DAAM1: variants seen among roughly 807,000 people sequenced by gnomAD.
The protein encoded by DAAM1 is disheveled-associated activator of morphogenesis 1.
A neutral mutation model predicts 130.0 loss-of-function variants in DAAM1; 52 were observed. The ratio of observed to expected loss-of-function variants is 0.40; its 90% CI spans 0.32 to 0.50. The LOEUF is 0.50. Among genes scored for constraint, DAAM1 ranks in the 20% least tolerant of loss-of-function variants. The pLI is 0.61. For missense variants in DAAM1, 1,134 were observed against 1,303.8 expected (o/e 0.87, Z 2.01); for synonymous variants, 452 against 444.5 (o/e 1.02, Z -0.21).
chr14:59,278,895 A>G (rs546985448), intron 2 of DAAM1, among the ~76,000 whole-genome samples: 6 of 152,216 alleles, frequency 3.9e-5, no homozygotes, highest in Non-Finnish European at 8.8e-5. Context: ...CTTCTTTCCA[A>G]TCAGTTTCTC....
At chr14:59,334,827 T>C (rs1885564268) in intron 15 of DAAM1, among the ~76,000 whole-genome samples, 1 of 152,172 alleles carries the variant, frequency 6.6e-6, no homozygotes, top group South Asian at 2.1e-4. Context: ...TGTTAAATTT[T>C]TGCACAGGCC....
Position 59,290,137 on chromosome 14 carries a change from G to GA in DAAM1, c.184-1072dup, listed in dbSNP as rs1258952512. 4.0e-5 allele frequency among the ~76,000 whole-genome samples: 6 copies of GA among 151,558 alleles called. No homozygotes were observed. In the East Asian group the frequency reaches 1.2e-3, roughly 29 times the overall value. ...TACCCCTGAACATAAAGTAAAAGTA[G>GA]AAAAAAAATAAAAGACTGTGAATTA... On this transcript the variant is annotated intron_variant, in intron 2 of 24. Coordinates refer to ENST00000360909, the MANE Select transcript of DAAM1 (RefSeq NM_001270520.2).
intron 6 of DAAM1, among the ~76,000 whole-genome samples, chr14:59,323,779 TC>T (rs1490438927): frequency 6.6e-6 from 1 of 152,168 alleles, no homozygotes; most frequent in African/African-American, 2.4e-5. Flanking sequence ...ACACCTCTAA[TC>T]CCAGCACTTT....
intron 2 of DAAM1, among the ~76,000 whole-genome samples, chr14:59,281,204 T>C (rs1883200485): frequency 6.6e-6 from 1 of 152,176 alleles, no homozygotes; most frequent in African/African-American, 2.4e-5. Flanking sequence ...GGAGGACATA[T>C]CAAAAGTATG....
In DAAM1 at chr14:59,269,223, CA is replaced by C. The variant is rs1343954333; in HGVS notation, c.183+5565del. 2.0e-5 allele frequency among the ~76,000 whole-genome samples: 3 copies of C among 152,226 alleles called. No individual in the cohort carries two copies. In the East Asian group the frequency reaches 5.8e-4, roughly 29 times the overall value. ...GATCAAGTGCTATGGGAGTGCTGCT[CA>C]AGCAGTACATTTTGTCTGGGAGGAA... is the stretch of plus-strand genomic sequence containing the variant. On this transcript the variant is annotated intron_variant, in intron 2 of 24. Coordinates refer to ENST00000360909, the MANE Select transcript of DAAM1 (RefSeq NM_001270520.2).
intron 1 of DAAM1, among the ~76,000 whole-genome samples, chr14:59,259,091 A>G (rs963937994): frequency 6.6e-6 from 1 of 152,224 alleles, no homozygotes; most frequent in Non-Finnish European, 1.5e-5. Flanking sequence ...CAGTGCAGCC[A>G]GAATGTAATA....
chr14:59,327,402 CTTTTTTTT>C lies in DAAM1; in HGVS notation c.1372+428_1372+435del, dbSNP rs386381493. Among the ~76,000 whole-genome samples the C allele has an allele frequency of 5.6e-4, 33 of 58,990 alleles. 1 individual carries two copies. The highest frequency in any genetic ancestry group is 1.5e-3 in the African/African-American group (20 of 12,916). 38.7% of individuals were successfully genotyped at this position (58,990 alleles called of 152,430 possible). A position where few individuals can be genotyped will look rare whatever the true frequency, so the allele number is the denominator to read the frequency against. ...AAGAGAAGAACAGGTCACTTGGTTT[CTTTTTTTT>C]TTTTTTTTTTTTTTTTGAGATGGAG... On this transcript the variant is annotated intron_variant, in intron 12 of 24. Coordinates refer to ENST00000360909, the MANE Select transcript of DAAM1 (RefSeq NM_001270520.2).
At chr14:59,219,846 T>C (rs1486458828) in intron 1 of DAAM1, among the ~76,000 whole-genome samples, 1 of 152,206 alleles carries the variant, frequency 6.6e-6, no homozygotes, top group Non-Finnish European at 1.5e-5. Context: ...TCTGCTCCTT[T>C]GCCTTGAGGA....
intron 1 of DAAM1, among the ~76,000 whole-genome samples, chr14:59,240,891 G>A (rs1426441385): frequency 6.6e-6 from 1 of 152,248 alleles, no homozygotes; most frequent in Non-Finnish European, 1.5e-5. Context: ...TGAATCACAT[G>A]GTGAAGGAGA....
At chr14:59,268,766 C>T (rs553955848) in intron 2 of DAAM1, among the ~76,000 whole-genome samples, 8 of 152,292 alleles carry the variant, frequency 5.3e-5, no homozygotes, top group Admixed American at 3.3e-4. Flanking sequence ...CTCCCTCTCA[C>T]CTCTACCTCC....
intron 1 of DAAM1, among the ~76,000 whole-genome samples, chr14:59,205,853 A>G (rs1341940459): frequency 6.6e-6 from 1 of 152,158 alleles, no homozygotes; most frequent in East Asian, 1.9e-4. Context: ...AGTAGGTTAG[A>G]AGAGAGGATG....
intron 1 of DAAM1, among the ~76,000 whole-genome samples, chr14:59,255,306 A>G (rs1027091710): frequency 2.0e-5 from 3 of 152,090 alleles, no homozygotes; most frequent in Non-Finnish European, 4.4e-5. Context: ...CCGTTTCCTG[A>G]TGGAGAGGAT....
At chr14:59,243,957 A>G (rs1320746912) in intron 1 of DAAM1, among the ~76,000 whole-genome samples, 1 of 152,140 alleles carries the variant, frequency 6.6e-6, no homozygotes, top group East Asian at 1.9e-4. Flanking sequence ...TTTCTATTTG[A>G]TGCTCCCTAT....
In DAAM1 at chr14:59,367,447, C is replaced by G. The variant is rs765298954; in HGVS notation, c.2845C>G (p.His949Asp). ...AKDLFTKAVKHFGEEAGKIQP... is the reference protein window; with the variant it reads ...AKDLFTKAVKDFGEEAGKIQP... ...TTCCTAGTTTACTAAAGCAGTGAAGCACTTTGGGGAAGAGGCTGGCAAAAT... is the reference window on the plus strand; with the variant it reads ...TTCCTAGTTTACTAAAGCAGTGAAGGACTTTGGGGAAGAGGCTGGCAAAAT... Residue 949 changes from histidine to aspartate, a missense_variant, in exon 24 of 25, where the codon CAC (histidine) becomes GAC (aspartate). By Grantham distance (81) the His-to-Asp change is moderately conservative. Transcript: ENST00000360909. 1 of 1,610,026 alleles carries G rather than the reference C, an allele frequency of 6.2e-7. No homozygotes were observed. The highest frequency in any genetic ancestry group is 8.5e-7 in the Non-Finnish European group (1 of 1,177,468).
chr14:59,266,863 T>C (rs1882469980), intron 2 of DAAM1, among the ~76,000 whole-genome samples: 1 of 152,226 alleles, frequency 6.6e-6, no homozygotes, highest in African/African-American at 2.4e-5. Flanking sequence ...GCCAGCTCTG[T>C]AGCCTAGGAA....
chr14:59,281,828 G>A (rs995602839), intron 2 of DAAM1, among the ~76,000 whole-genome samples: 1 of 152,088 alleles, frequency 6.6e-6, no homozygotes, highest in African/African-American at 2.4e-5. Flanking sequence ...GCTTGATTCA[G>A]CCATATTATG....
At chr14:59,297,911 G>A (rs1204849987) in intron 3 of DAAM1, among the ~76,000 whole-genome samples, 3 of 152,142 alleles carry the variant, frequency 2.0e-5, no homozygotes, top group Non-Finnish European at 4.4e-5. Flanking sequence ...ATCCCCCATA[G>A]ATAAGGGGGG....
chr14:59,354,061 G>C (rs1388367300), intron 19 of DAAM1, 97 bp downstream of exon 19: 1 of 1,088,310 alleles, frequency 9.2e-7, no homozygotes, highest in Admixed American at 2.8e-5. Flanking sequence ...TCCCCTTGGT[G>C]ATTTTTTTTT....
chr14:59,315,397 T>C, intron 4 of DAAM1, 46 bp downstream of exon 4: 2 of 1,573,568 alleles, frequency 1.3e-6, no homozygotes, highest in Non-Finnish European at 1.7e-6. Context: ...AAAATGCAAG[T>C]GTAGTACAAA....
Sources: allele counts gnomAD v4.1 joint callset (sites outside exome capture counted in the v4.1 genomes callset), GRCh38; gene constraint gnomAD v4.1.1; transcripts MANE v1.5; gene names NCBI Gene and HGNC (gene_info 2026-07-23, HGNC 2026-07-21).